TBC1D32: variants seen among roughly 807,000 people sequenced by gnomAD.
TBC1D32 encodes protein broad-minded.
Under a neutral mutation model 170.3 loss-of-function variants are expected in TBC1D32, and 151 were observed. The observed-to-expected ratio is 0.89, with a 90% confidence interval of 0.78 to 1.01. The LOEUF (loss-of-function observed/expected upper bound fraction) is 1.01. Among genes scored for constraint, TBC1D32 ranks in the 50% least tolerant of loss-of-function variants. TBC1D32 has a pLI of 0.00. For synonymous variants in TBC1D32, 498 were observed against 488.0 expected, an observed-to-expected ratio of 1.02 and a Z score of -0.27; for missense variants, 1,464 against 1,457.1, an observed-to-expected ratio of 1.00 and a Z score of -0.08.
At chr6:121,300,362 G>A (rs190412439) in intron 9 of TBC1D32, among the ~76,000 whole-genome samples, 89 of 152,088 alleles carry the variant, frequency 5.9e-4, no homozygotes, top group African/African-American at 1.9e-3. Context: ...CAGAAGAATC[G>A]CTTGAACCCA....
At chr6:121,196,076 G>A (rs1423185578) in intron 22 of TBC1D32, among the ~76,000 whole-genome samples, 1 of 152,214 alleles carries the variant, frequency 6.6e-6, no homozygotes, top group Non-Finnish European at 1.5e-5. Flanking sequence ...GAAGATACTT[G>A]TATCCCATAT....
At chr6:121,099,576 T>C (rs1777779660) in intron 30 of TBC1D32, among the ~76,000 whole-genome samples, 1 of 151,986 alleles carries the variant, frequency 6.6e-6, no homozygotes, top group South Asian at 2.1e-4. Flanking sequence ...CAAAAAGCAC[T>C]GCTTCTAATT....
chr6:121,126,537 C>T, intron 25 of TBC1D32, 76 bp from the exon 26 acceptor site: 1 of 1,090,248 alleles, frequency 9.2e-7, no homozygotes, highest in Non-Finnish European at 1.4e-6. Context: ...AATCACAGAA[C>T]TAGTAGGTAA....
At chr6:121,152,327 T>C (rs1784325988) in intron 24 of TBC1D32, among the ~76,000 whole-genome samples, 1 of 152,184 alleles carries the variant, frequency 6.6e-6, no homozygotes, top group African/African-American at 2.4e-5. Context: ...AACATTGGCC[T>C]CCACTCTCTT....
At chr6:121,226,829 T>C (rs965564429) in intron 20 of TBC1D32, among the ~76,000 whole-genome samples, 11 of 152,134 alleles carry the variant, frequency 7.2e-5, no homozygotes, top group African/African-American at 2.7e-4. Context: ...CACTTACTTT[T>C]GGCCAAATGC....
intron 9 of TBC1D32, among the ~76,000 whole-genome samples, chr6:121,302,724 T>G (rs566839692): frequency 1.3e-5 from 2 of 152,142 alleles, no homozygotes; most frequent in Non-Finnish European, 2.9e-5. Flanking sequence ...GAAAAAAATT[T>G]AACTGTTAGA....
chr6:121,099,274 T>C (rs1777747416), intron 30 of TBC1D32, among the ~76,000 whole-genome samples: 1 of 151,884 alleles, frequency 6.6e-6, no homozygotes, highest in Non-Finnish European at 1.5e-5. Context: ...ATGAACAAAA[T>C]ACAGTAAGAC....
intron 22 of TBC1D32, among the ~76,000 whole-genome samples, chr6:121,181,154 G>C (rs927320077): frequency 5.3e-5 from 8 of 152,174 alleles, no homozygotes; most frequent in Admixed American, 3.3e-4. Flanking sequence ...ATGTAAAGTA[G>C]AACAGCCATT....
chr6:121,246,671 A>C (rs1797660582), intron 17 of TBC1D32, among the ~76,000 whole-genome samples: 2 of 151,900 alleles, frequency 1.3e-5, no homozygotes, highest in Non-Finnish European at 2.9e-5. Flanking sequence ...TTTCCAGAGA[A>C]ATAGATATAA....
chr6:121,223,202 T>C, intron 21 of TBC1D32, 34 bp downstream of exon 21: 1 of 1,339,560 alleles, frequency 7.5e-7, no homozygotes, highest in Non-Finnish European at 1.0e-6. Context: ...TAGTAGCATT[T>C]ATAACAGAGA....
intron 24 of TBC1D32, among the ~76,000 whole-genome samples, chr6:121,159,521 A>G (rs890081252): frequency 2.6e-5 from 4 of 152,180 alleles, no homozygotes; most frequent in Non-Finnish European, 5.9e-5. Flanking sequence ...ATATAATGAG[A>G]ATACATTCTG....
chr6:121,220,151 C>G (rs1408474103), intron 21 of TBC1D32, among the ~76,000 whole-genome samples: 1 of 152,154 alleles, frequency 6.6e-6, no homozygotes, highest in African/African-American at 2.4e-5. Context: ...CACTGTACAT[C>G]AAAACCTAAA....
intron 15 of TBC1D32, among the ~76,000 whole-genome samples, chr6:121,264,253 C>T (rs945327601): frequency 6.6e-6 from 1 of 152,066 alleles, no homozygotes; most frequent in Non-Finnish European, 1.5e-5. Flanking sequence ...GATATCACCA[C>T]CAACCCCACA....
chr6:121,177,031 ATT>A (rs143537057), intron 22 of TBC1D32, among the ~76,000 whole-genome samples: 2 of 149,448 alleles, frequency 1.3e-5, no homozygotes, highest in East Asian at 2.0e-4. Context: ...TGAATATGTC[ATT>A]TTTTTTTTAC....
intron 30 of TBC1D32, among the ~76,000 whole-genome samples, chr6:121,095,036 T>C (rs1312558610): frequency 6.6e-6 from 1 of 152,092 alleles, no homozygotes; most frequent in African/African-American, 2.4e-5. Flanking sequence ...GTCTTTATAT[T>C]CACTGGAAAA....
At position 121,334,313 on chromosome 6, in the gene TBC1D32, G is replaced by T. The variant is rs367896649; in HGVS notation, c.118C>A (p.Leu40Ile). The change falls in exon 1 of 32, where the codon CTT becomes ATT. Residue 40 changes from leucine (L) to isoleucine (I), a missense_variant. Leu to Ile is a conservative substitution (Grantham distance 5). Around this residue, in one of 3 missense-constraint regions of TBC1D32, gnomAD observed 1,363 missense variants for 1,338.1 expected, o/e 1.02. Coordinates refer to ENST00000398212, the MANE Select transcript of TBC1D32 (RefSeq NM_152730.6). ...TCATCAGTTTCCTCCAGATGTAAAA[G>T]AATCTCTTCGGCACACTCCAGGGAA... ...APSLECAEEI[L>I]LHLEETDENF... is the part of the protein sequence containing the mutation. 3.1e-6 allele frequency: 5 copies of T among 1,613,972 alleles called. No individual in the cohort carries two copies. In the African/African-American group the frequency reaches 6.7e-5, roughly 22 times the overall value.
chr6:121,112,670 C>A lies in TBC1D32; in HGVS notation c.3170-11G>T. ...TCCCTTGCAGGCAGACTGAAAAACA[C>A]AGTTAAGAAAACTTTACAATATTTT... On this transcript the variant is annotated splice_polypyrimidine_tract_variant and intron_variant, in intron 28 of 31. Transcript: ENST00000398212. 2 of 1,547,062 alleles carry A rather than the reference C, an allele frequency of 1.3e-6. No homozygotes were observed. Among genetic ancestry groups the A allele is most frequent in the Non-Finnish European group, 1.7e-6 (2 of 1,151,792 alleles).
chr6:121,172,998 G>A (rs949176524), intron 22 of TBC1D32, among the ~76,000 whole-genome samples: 4 of 152,084 alleles, frequency 2.6e-5, no homozygotes, highest in Non-Finnish European at 5.9e-5. Context: ...GGTTAATATT[G>A]AGTGTTAACT....
At chr6:121,247,767 T>C (rs1399321311) in intron 17 of TBC1D32, among the ~76,000 whole-genome samples, 2 of 140,402 alleles carry the variant, frequency 1.4e-5, no homozygotes, top group African/African-American at 5.5e-5. Context: ...CAGGAAGATA[T>C]TAAAATCTTA....
Sources: gnomAD v4.1 joint callset for allele counts (sites outside exome capture counted in the v4.1 genomes callset) on GRCh38, gnomAD v4.1.1 for gene constraint, gnomAD v4.1.1 regional missense constraint, MANE v1.5 for transcripts, NCBI Gene and HGNC (gene_info 2026-07-23, HGNC 2026-07-21) for gene names.